The following TGFB2 variants were observed in gnomAD, a reference collection of about 807,000 sequenced individuals.
The protein encoded by TGFB2 is transforming growth factor beta 2, also known as transforming growth factor beta-2 proprotein.
A neutral mutation model predicts 42.7 loss-of-function variants in TGFB2; 13 were observed. That is an observed-to-expected ratio of 0.30 (90% CI 0.20 to 0.48). The LOEUF is 0.48. Ranked by LOEUF, TGFB2 falls within the 20% of genes least tolerant of loss-of-function variation. The pLI is 0.99. For synonymous variants in TGFB2, 193 were observed against 193.6 expected (o/e 1.00, Z 0.03); for missense variants, 390 against 517.5 (o/e 0.75, Z 2.39).
Position 218,349,902 on chromosome 1 carries a change from T to C in TGFB2, c.346+2855T>C, listed in dbSNP as rs1395140507. Among the ~76,000 whole-genome samples, 3 of 152,246 alleles carry C rather than the reference T, an allele frequency of 2.0e-5. No homozygotes were observed. In the East Asian group the frequency reaches 5.8e-4, roughly 29 times the overall value. ...TGTATTTATGGGATATAAATAATAC[T>C]GTGTCAACATTTAAAGAAGGGGTCT... On this transcript the variant is annotated intron_variant, in intron 1 of 6. Coordinates refer to ENST00000366930, the MANE Select transcript of TGFB2 (RefSeq NM_003238.6).
chr1:218,400,541 G>A (rs1214301774), intron 1 of TGFB2, among the ~76,000 whole-genome samples: 1 of 152,160 alleles, frequency 6.6e-6, no homozygotes, highest in Non-Finnish European at 1.5e-5. Context: ...AACCCATAGG[G>A]TTGCAAACTC....
chr1:218,405,343 TTTGTTGTTG>T lies in TGFB2; in HGVS notation c.510+35_510+43del, dbSNP rs10482769. The T allele has an allele frequency of 6.4e-5, 97 of 1,507,408 alleles. No individual in the cohort carries two copies. The African/African-American group carries it at 7.0e-4, about 11-fold the overall frequency. The allele number at this position is 1,507,408 out of a possible 1,614,324, so 93.4% of individuals were successfully genotyped here. ...ATTGAGCTATATCAGGTAATGTTCATTTGTTGTTGTTGTTGTTGTTGTTGTTGTTGTTTT... is the reference window on the plus strand; with the variant it reads ...ATTGAGCTATATCAGGTAATGTTCATTTGTTGTTGTTGTTGTTGTTGTTTT... On this transcript the variant is annotated intron_variant, in intron 2 of 6. Coordinates refer to ENST00000366930, the MANE Select transcript of TGFB2 (RefSeq NM_003238.6).
At chr1:218,413,346 G>A (rs1308321335) in intron 2 of TGFB2, among the ~76,000 whole-genome samples, 4 of 152,090 alleles carry the variant, frequency 2.6e-5, no homozygotes, top group East Asian at 3.9e-4. Flanking sequence ...TCTGCCTCCC[G>A]GGTTGCGTCA....
intron 1 of TGFB2, among the ~76,000 whole-genome samples, chr1:218,370,158 A>G (rs1027306372): frequency 2.6e-5 from 4 of 152,238 alleles, no homozygotes; most frequent in Admixed American, 6.5e-5. Flanking sequence ...GATGACAAGG[A>G]AAGCATCTGA....
Position 218,346,304 on chromosome 1 carries a change from C to G in TGFB2, c.-398C>G, listed in dbSNP as rs1656674485. ...ATCTCTTCCCTTTTGGCCGGAGGAG[C>G]CGAGTTCAGATCCGCCACTCCGCAC... On this transcript the variant is annotated 5_prime_UTR_variant, in exon 1 of 7. Transcript: ENST00000366930. This position sits in a 1 kb window ranked among gnomAD's most constrained non-coding sequence, Gnocchi z 4.9. 1 of 164,810 alleles carries G rather than the reference C, an allele frequency of 6.1e-6. No homozygotes were observed. Among genetic ancestry groups the G allele is most frequent in the Non-Finnish European group, 1.3e-5 (1 of 76,812 alleles). 10.2% of individuals were successfully genotyped at this position (164,810 alleles called of 1,614,324 possible).
chr1:218,402,599 A>G lies in TGFB2; in HGVS notation c.347-2570A>G, dbSNP rs189999656. Among the ~76,000 whole-genome samples the G allele has an allele frequency of 4.6e-5, 7 of 152,360 alleles. No individual in the cohort carries two copies. The East Asian group carries it at 1.4e-3, about 29-fold the overall frequency. On this transcript the variant is annotated intron_variant, in intron 1 of 6. Coordinates refer to ENST00000366930, the MANE Select transcript of TGFB2 (RefSeq NM_003238.6). ...AAAAGAGATAAAAATAAATCTCAAG[A>G]GCACTTATTTACAAACTTGATGGAA...
chr1:218,389,054 G>C (rs1658231228), intron 1 of TGFB2, among the ~76,000 whole-genome samples: 1 of 152,088 alleles, frequency 6.6e-6, no homozygotes, highest in Admixed American at 6.5e-5. Context: ...AGAAGTCTGG[G>C]GGAGTCACTT....
intron 1 of TGFB2, among the ~76,000 whole-genome samples, chr1:218,361,017 GT>G (rs1393694180): frequency 6.6e-6 from 1 of 152,174 alleles, no homozygotes; most frequent in Non-Finnish European, 1.5e-5. Flanking sequence ...ACCACACCCA[GT>G]TCATTTTTGT....
At chr1:218,414,062 GTTC>G (rs1659190666) in intron 2 of TGFB2, among the ~76,000 whole-genome samples, 1 of 152,162 alleles carries the variant, frequency 6.6e-6, no homozygotes, top group Non-Finnish European at 1.5e-5. Context: ...TAAAATGCAC[GTTC>G]TTAAGGTTTC....
chr1:218,368,679 G>T (rs1451978891), intron 1 of TGFB2, among the ~76,000 whole-genome samples: 1 of 152,138 alleles, frequency 6.6e-6, no homozygotes, highest in African/African-American at 2.4e-5. Context: ...GGATGAATTT[G>T]TTAAGAAGGG....
chr1:218,441,593 C>G lies in TGFB2; in HGVS notation c.*231C>G, dbSNP rs952622720. The G allele has an allele frequency of 3.3e-5, 12 of 363,556 alleles. No homozygotes were observed. Among genetic ancestry groups the G allele is most frequent in the Non-Finnish European group, 5.8e-5 (12 of 206,270 alleles). 22.5% of individuals were successfully genotyped at this position (363,556 alleles called of 1,614,324 possible). ...AAGGCCTTATTCTACATTTCACCTA[C>G]TTTGTAAGTGAGAGAGACAAGAAGC... On this transcript the variant is annotated 3_prime_UTR_variant, in exon 7 of 7. Coordinates refer to ENST00000366930, the MANE Select transcript of TGFB2 (RefSeq NM_003238.6).
At chr1:218,434,557 G>C in intron 4 of TGFB2, 109 bp downstream of exon 4, 1 of 700,614 alleles carries the variant, frequency 1.4e-6, no homozygotes, top group Non-Finnish European at 2.4e-6. Flanking sequence ...AAGGCCTGGG[G>C]AGTTTCATTC....
chr1:218,384,383 T>G (rs970558702), intron 1 of TGFB2, among the ~76,000 whole-genome samples: 2 of 152,208 alleles, frequency 1.3e-5, no homozygotes, highest in Non-Finnish European at 2.9e-5. Context: ...TATACTATTA[T>G]GTGTTATAAG....
At chr1:218,408,099 A>T (rs974480287) in intron 2 of TGFB2, among the ~76,000 whole-genome samples, 2 of 152,150 alleles carry the variant, frequency 1.3e-5, no homozygotes, top group Admixed American at 6.5e-5. Flanking sequence ...CTTTAGTTAC[A>T]TGGCTTCAGT....
intron 1 of TGFB2, among the ~76,000 whole-genome samples, chr1:218,394,199 G>A (rs1015726621): frequency 1.3e-5 from 2 of 152,108 alleles, no homozygotes; most frequent in Admixed American, 6.6e-5. Context: ...GTAAGCCACC[G>A]CACCCGGCCG....
In TGFB2 at chr1:218,352,606, T is replaced by A. The variant is rs376398143; in HGVS notation, c.346+5559T>A. The stretch of plus-strand genomic sequence containing the variant: ...TCATGCTACAACCACAAGCTGCTTT[T>A]GATGGTTGGCTGTTTTGTTTCTTTT... On this transcript the variant is annotated intron_variant, in intron 1 of 6. Coordinates refer to ENST00000366930, the MANE Select transcript of TGFB2 (RefSeq NM_003238.6). Among the ~76,000 whole-genome samples the A allele has an allele frequency of 7.2e-5, 11 of 152,328 alleles. No individual in the cohort carries two copies. In the South Asian group the frequency reaches 2.3e-3, roughly 32 times the overall value.
chr1:218,389,152 G>C lies in TGFB2; in HGVS notation c.347-16017G>C, dbSNP rs187466610. Among the ~76,000 whole-genome samples, 307 of 152,290 alleles carry C rather than the reference G, an allele frequency of 2.0e-3. No individual in the cohort carries two copies. The Middle Eastern group carries it at 0.034, about 17-fold the overall frequency. ...CCTGGCTTACAGGGTTATCAGGCTA[G>C]GATGAAATAGTATATGTGGAGGTGC... On this transcript the variant is annotated intron_variant, in intron 1 of 6. Coordinates refer to ENST00000366930, the MANE Select transcript of TGFB2 (RefSeq NM_003238.6).
intron 1 of TGFB2, among the ~76,000 whole-genome samples, chr1:218,365,564 T>C (rs1657359633): frequency 1.3e-5 from 2 of 151,830 alleles, no homozygotes; most frequent in Non-Finnish European, 1.5e-5. Context: ...CCCATAACAG[T>C]GGGAGGCTCT....
chr1:218,420,101 G>T (rs1215407715), intron 2 of TGFB2, among the ~76,000 whole-genome samples: 1 of 152,194 alleles, frequency 6.6e-6, no homozygotes, highest in Non-Finnish European at 1.5e-5. Flanking sequence ...AGTGGAATTG[G>T]AAGGGGGAGG....
Sources: allele counts gnomAD v4.1 joint callset (sites outside exome capture counted in the v4.1 genomes callset), GRCh38; gene constraint gnomAD v4.1.1; non-coding constraint Gnocchi (gnomAD v3.1); transcripts MANE v1.5; gene names NCBI Gene and HGNC (gene_info 2026-07-23, HGNC 2026-07-21).